Variants in CRHR1 observed in about 807,000 individuals in gnomAD.
CRHR1 encodes the protein corticotropin releasing hormone receptor 1.
CRHR1 carries 28 observed loss-of-function variants against 56.0 expected under a neutral mutation model. The ratio of observed to expected loss-of-function variants is 0.50; its 90% CI spans 0.37 to 0.69. CRHR1 has a LOEUF of 0.69. CRHR1 is among the 30% of genes least tolerant of loss of function. The pLI is 0.00. For synonymous variants in CRHR1, 195 were observed against 216.5 expected, an observed-to-expected ratio of 0.90 and a Z score of 0.87; for missense variants, 376 against 548.0, an observed-to-expected ratio of 0.69 and a Z score of 3.13.
At chr17:45,790,321 C>T (rs2061404387) in intron 1 of CRHR1, among the ~76,000 whole-genome samples, 1 of 152,174 alleles carries the variant, frequency 6.6e-6, no homozygotes, top group Non-Finnish European at 1.5e-5. Context: ...CACTTGTTTT[C>T]TGAGTATGTG....
intron 2 of CRHR1, among the ~76,000 whole-genome samples, chr17:45,814,122 A>G (rs1396196221): frequency 6.6e-6 from 1 of 152,256 alleles, no homozygotes; most frequent in African/African-American, 2.4e-5. Flanking sequence ...GGCAGGGGCC[A>G]CACTGATGGA....
chr17:45,796,658 G>A (rs1440969555), intron 1 of CRHR1, among the ~76,000 whole-genome samples: 2 of 152,182 alleles, frequency 1.3e-5, no homozygotes, highest in African/African-American at 4.8e-5. Flanking sequence ...TTTGAACAGT[G>A]GGGAGATAGT....
At chr17:45,792,796 C>T (rs2061450198) in intron 1 of CRHR1, among the ~76,000 whole-genome samples, 1 of 152,224 alleles carries the variant, frequency 6.6e-6, no homozygotes, top group African/African-American at 2.4e-5. Flanking sequence ...TATCCCCCCA[C>T]AGGGGGCTCA....
chr17:45,803,459 TCACTGCAACCTC>T (rs1192026206), intron 1 of CRHR1, among the ~76,000 whole-genome samples: 2 of 152,220 alleles, frequency 1.3e-5, no homozygotes, highest in African/African-American at 4.8e-5. Flanking sequence ...TGATCTCGGC[TCACTGCAACCTC>T]CACCTCCTGG....
intron 1 of CRHR1, among the ~76,000 whole-genome samples, chr17:45,785,199 T>C (rs1025242592): frequency 3.4e-4 from 52 of 152,214 alleles, no homozygotes; most frequent in African/African-American, 1.2e-3. Context: ...TCTCCGAGCC[T>C]GGGCACCCGC....
intron 4 of CRHR1, chr17:45,826,402 C>T (rs1293273228): frequency 6.6e-6 from 1 of 152,332 alleles, no homozygotes; most frequent in Admixed American, 6.5e-5. Context: ...GCAGCCATCC[C>T]TCAGGCTGTC....
chr17:45,806,313 C>T (rs1434294937), intron 1 of CRHR1, among the ~76,000 whole-genome samples: 1 of 152,202 alleles, frequency 6.6e-6, no homozygotes, highest in Non-Finnish European at 1.5e-5. Flanking sequence ...AAAGGTCTGC[C>T]CTAGAATAGG....
chr17:45,824,781 T>C (rs1464892796), intron 4 of CRHR1, among the ~76,000 whole-genome samples: 1 of 152,178 alleles, frequency 6.6e-6, no homozygotes, highest in Non-Finnish European at 1.5e-5. Context: ...AATTCAGATC[T>C]CTGCCTTCTG....
rs751121239 is a variant in CRHR1, at chr17:45,830,414, C to T, written c.556-3C>T. ...TCATCTCTGGTTGGGGGTGGGGTGG[C>T]AGGGCTGGTGCAGGTTGGTGACAGC... On this transcript the variant is annotated splice_region_variant and splice_polypyrimidine_tract_variant and intron_variant, in intron 6 of 12. Coordinates refer to ENST00000314537, the MANE Select transcript of CRHR1 (RefSeq NM_004382.5). 3.1e-6 allele frequency: 5 copies of T among 1,601,710 alleles called. No individual in the cohort carries two copies. The highest frequency in any genetic ancestry group is 4.3e-6 in the Non-Finnish European group (5 of 1,173,208).
intron 1 of CRHR1, among the ~76,000 whole-genome samples, chr17:45,786,634 T>TA (rs1367938453): frequency 7.8e-6 from 1 of 127,790 alleles, no homozygotes; most frequent in East Asian, 2.6e-4. Context: ...CCAGAAAATA[T>TA]CCTTTTTTTT....
In CRHR1 at chr17:45,830,090, C is replaced by T; in HGVS notation, c.435-4C>T. 1 of 1,614,044 alleles carries T rather than the reference C, an allele frequency of 6.2e-7. No homozygotes were observed. The highest frequency in any genetic ancestry group is 8.5e-7 in the Non-Finnish European group (1 of 1,179,968). ...CCCATCATCCACCCGCCCTGCTGCA[C>T]CAGGAGCATCCGGTGCCTGCGAAAC... On this transcript the variant is annotated splice_region_variant and splice_polypyrimidine_tract_variant and intron_variant, in intron 5 of 12. Coordinates refer to ENST00000314537, the MANE Select transcript of CRHR1 (RefSeq NM_004382.5).
chr17:45,821,222 C>T (rs2062033083), intron 3 of CRHR1, 133 bp from the exon 4 acceptor site: 2 of 784,680 alleles, frequency 2.5e-6, no homozygotes, highest in Non-Finnish European at 4.4e-6. Flanking sequence ...TCCCCAGCTT[C>T]ACTACACAAC....
intron 1 of CRHR1, among the ~76,000 whole-genome samples, chr17:45,805,049 G>A (rs140745279): frequency 9.2e-5 from 14 of 151,892 alleles, no homozygotes; most frequent in African/African-American, 1.7e-4. Context: ...TGCTGACCTC[G>A]TGATCTGGCC....
At chr17:45,829,439 G>T (rs1379187744) in intron 5 of CRHR1, 118 bp downstream of exon 5, 1 of 1,326,662 alleles carries the variant, frequency 7.5e-7, no homozygotes, top group Non-Finnish European at 1.1e-6. Flanking sequence ...GGGTGGCAGG[G>T]GCTGGCTTAT....
In CRHR1 at chr17:45,819,532, C is replaced by T. The variant is rs770701073; in HGVS notation, c.242-1823C>T. Reference sequence around the variant, plus strand: ...GGTATTTCAGAGCAGCCTCTGGTCCCGGGACTTCCCAGCCATGGCAGAGAC... The same window carrying T: ...GGTATTTCAGAGCAGCCTCTGGTCCTGGGACTTCCCAGCCATGGCAGAGAC... On this transcript the variant is annotated intron_variant, in intron 3 of 12. Transcript: ENST00000314537. Among the ~76,000 whole-genome samples the T allele has an allele frequency of 5.3e-5, 8 of 152,140 alleles. No homozygotes were observed. In the East Asian group the frequency reaches 7.8e-4, roughly 15 times the overall value.
In CRHR1 at chr17:45,808,789, C is replaced by T. The variant is rs74343163; in HGVS notation, c.121+1692C>T. On this transcript the variant is annotated intron_variant, in intron 2 of 12. Transcript: ENST00000314537. ...TCAGCCTCCTGAGAAGCTAGGACTA[C>T]GTGCACACCACCATACCTGGCCTAA... Among the ~76,000 whole-genome samples, 1,024 of 152,222 alleles carry T rather than the reference C, an allele frequency of 6.7e-3. 17 individuals carry two copies. The highest frequency in any genetic ancestry group is 0.024 in the African/African-American group (992 of 41,528).
At chr17:45,795,373 T>C (rs965671489) in intron 1 of CRHR1, among the ~76,000 whole-genome samples, 2 of 152,176 alleles carry the variant, frequency 1.3e-5, no homozygotes, top group African/African-American at 4.8e-5. Flanking sequence ...GGATGGAGCA[T>C]TGAAACCCTC....
At chr17:45,806,954 C>T (rs966094389) in intron 1 of CRHR1, 56 bp from the exon 2 acceptor site, 4 of 1,513,192 alleles carry the variant, frequency 2.6e-6, no homozygotes, top group Non-Finnish European at 3.7e-6. Flanking sequence ...GATGGAGCAA[C>T]ATGCTCATGG....
intron 2 of CRHR1, among the ~76,000 whole-genome samples, chr17:45,815,522 T>C (rs985715882): frequency 1.4e-4 from 21 of 152,332 alleles, no homozygotes; most frequent in African/African-American, 4.8e-4. Flanking sequence ...ACAGACCCCT[T>C]TGAGAATCTA....
Sources: allele counts gnomAD v4.1 joint callset (sites outside exome capture counted in the v4.1 genomes callset), GRCh38; gene constraint gnomAD v4.1.1; transcripts MANE v1.5; gene names NCBI Gene and HGNC (gene_info 2026-07-23, HGNC 2026-07-21).